The following SLC19A1 variants were observed in gnomAD, a reference collection of about 807,000 sequenced individuals.
The protein encoded by SLC19A1 is reduced folate transporter.
A neutral mutation model predicts 35.3 loss-of-function variants in SLC19A1; 37 were observed. The observed-to-expected ratio is 1.05, with a 90% confidence interval of 0.81 to 1.38. SLC19A1 has a LOEUF of 1.38. Ranked by LOEUF, SLC19A1 falls within the 40% of genes most tolerant of loss-of-function variation. The pLI is 0.00. For synonymous variants in SLC19A1, 460 were observed against 398.5 expected (o/e 1.15, Z -1.84); for missense variants, 831 against 826.9 (o/e 1.00, Z -0.06).
Position 45,532,325 on chromosome 21 carries a change from G to T in SLC19A1, c.190-177C>A, listed in dbSNP as rs115061424. On this transcript the variant is annotated intron_variant, in intron 2 of 5. Transcript: ENST00000311124. Reference sequence around the variant, plus strand: ...CACTGCATCGTCCTCTCTGAACAGGGACCTCTGGCTCCCGACCGTCCCGGC... The same window carrying T: ...CACTGCATCGTCCTCTCTGAACAGGTACCTCTGGCTCCCGACCGTCCCGGC... Among the ~76,000 whole-genome samples, 607 of 152,306 alleles carry T rather than the reference G, an allele frequency of 4.0e-3. 3 individuals are homozygous for T. The highest frequency in any genetic ancestry group is 0.014 in the African/African-American group (579 of 41,554).
In SLC19A1 at chr21:45,515,685, G is replaced by C; in HGVS notation, c.1749C>G (p.Ser583Arg). 5 of 1,613,714 alleles carry C rather than the reference G, an allele frequency of 3.1e-6. No individual in the cohort carries two copies. The highest frequency in any genetic ancestry group is 4.2e-6 in the Non-Finnish European group (5 of 1,180,014). ...VSKLGLQCLP[S>R]DGVQNVNQ ...ACTGGTTCACATTCTGAACACCGTCGCTTGGAAGACACTGCAAACCCAGCT... is the reference window on the plus strand; with the variant it reads ...ACTGGTTCACATTCTGAACACCGTCCCTTGGAAGACACTGCAAACCCAGCT... The change falls in exon 6 of 6, where the codon AGC becomes AGG. Residue 583 changes from serine (S) to arginine (R), a missense_variant. Physicochemically the swap from Ser to Arg is moderately radical, Grantham distance 110. Coordinates refer to ENST00000311124, the MANE Select transcript of SLC19A1 (RefSeq NM_194255.4).
At chr21:45,553,102 G>A (rs999580767) in intron 1 of SLC19A1, among the ~76,000 whole-genome samples, 5 of 152,196 alleles carry the variant, frequency 3.3e-5, no homozygotes, top group African/African-American at 4.8e-5. Flanking sequence ...GGGCAGGACC[G>A]GAGCGGGGGC....
chr21:45,558,543 C>T (rs2078585747), intron 1 of SLC19A1, among the ~76,000 whole-genome samples: 2 of 152,176 alleles, frequency 1.3e-5, no homozygotes, highest in African/African-American at 4.8e-5. Flanking sequence ...GTTTCTTCTT[C>T]GTATGTGGCC....
upstream of SLC19A1, among the ~76,000 whole-genome samples, chr21:45,543,405 C>T (rs909568125): frequency 6.6e-6 from 1 of 152,226 alleles, no homozygotes; most frequent in Admixed American, 6.5e-5. Flanking sequence ...CAGAAGGGGA[C>T]GGCCACCGTG....
In SLC19A1 at chr21:45,515,845, G is replaced by A. The variant is rs1281227104; in HGVS notation, c.1589C>T (p.Ala530Val). Residue 530 changes from alanine to valine, a missense_variant, in exon 6 of 6, where the codon GCC (alanine) becomes GTC (valine). Transcript: ENST00000311124. ...GCTCAGGAATTCAGCTGCCTGCGGG[G>A]CCGGGGCCTGGGCCAGGTATGGGTC... is the stretch of plus-strand genomic sequence containing the variant. ...QSDPYLAQAP[A>V]PQAAEFLSPV... 6.2e-6 allele frequency: 10 copies of A among 1,600,582 alleles called. No individual in the cohort carries two copies. The highest frequency in any genetic ancestry group is 1.7e-4 in the Middle Eastern group (1 of 6,014).
In SLC19A1 at chr21:45,515,140, G is replaced by A; in HGVS notation, c.*518C>T. ...TTCCACAGAGACAGAGAAGCCACAT[G>A]CAGTTCTTCATTCTACGTCAGTTAA... is the stretch of plus-strand genomic sequence containing the variant. On this transcript the variant is annotated 3_prime_UTR_variant, in exon 6 of 6. Transcript: ENST00000311124. The A allele has an allele frequency of 1.3e-6, 2 of 1,534,948 alleles. No homozygotes were observed. The highest frequency in any genetic ancestry group is 8.8e-7 in the Non-Finnish European group (1 of 1,142,758).
chr21:45,505,305 G>A lies in SLC19A1; in HGVS notation c.498-6693C>T, dbSNP rs559744656. The A allele has an allele frequency of 1.3e-5, 21 of 1,603,246 alleles. No homozygotes were observed. In the African/African-American group the frequency reaches 2.5e-4, roughly 19 times the overall value. Reference sequence around the variant, plus strand: ...TAAGTCAGTGGGGAGTGGGCCCCGGGCAGAGGCCGCCTCGTGTGGCTTCGT... The same window carrying A: ...TAAGTCAGTGGGGAGTGGGCCCCGGACAGAGGCCGCCTCGTGTGGCTTCGT... On this transcript the variant is annotated intron_variant, in intron 3 of 4. Coordinates refer to the SLC19A1 transcript ENST00000417954.
chr21:45,541,344 C>T (rs1032471539), intron 1 of SLC19A1, among the ~76,000 whole-genome samples: 17 of 152,248 alleles, frequency 1.1e-4, no homozygotes, highest in African/African-American at 4.1e-4. Context: ...GCCAGAGGCA[C>T]CTCGGCTCTG....
At chr21:45,516,444 G>C (rs1036808551) in intron 5 of SLC19A1, among the ~76,000 whole-genome samples, 2 of 152,226 alleles carry the variant, frequency 1.3e-5, no homozygotes, top group Admixed American at 1.3e-4. Context: ...CCCCTGCTTG[G>C]TGGTGCTTGC....
At chr21:45,508,311 A>G (rs948152978), downstream of SLC19A1, among the ~76,000 whole-genome samples, 2 of 147,870 alleles carry the variant, frequency 1.4e-5, no homozygotes, top group Non-Finnish European at 3.0e-5. Context: ...TGGTTGCTGG[A>G]CAGGTGGGTG....
intron 1 of SLC19A1, among the ~76,000 whole-genome samples, chr21:45,554,866 C>T (rs947143794): frequency 2.0e-5 from 3 of 151,818 alleles, no homozygotes; most frequent in Non-Finnish European, 4.4e-5. Flanking sequence ...TCATTGAGTC[C>T]CAGCAGCGGG....
chr21:45,510,507 CCT>C (rs1333174400), downstream of SLC19A1, among the ~76,000 whole-genome samples: 8 of 152,154 alleles, frequency 5.3e-5, no homozygotes, highest in East Asian at 1.9e-4. Flanking sequence ...CCCGTGGCCC[CCT>C]GACCCCCCGC....
At chr21:45,543,514 C>A (rs778251069), upstream of SLC19A1, among the ~76,000 whole-genome samples, 2 of 152,222 alleles carry the variant, frequency 1.3e-5, no homozygotes, top group Non-Finnish European at 2.9e-5. Context: ...GCACAATCCG[C>A]GACCTGCCTC....
chr21:45,503,843 A>G, intron 3 of SLC19A1: 1 of 466,196 alleles, frequency 2.1e-6, no homozygotes, highest in African/African-American at 2.0e-5. Context: ...ATTAACAAAA[A>G]CATCAGAAAG....
At chr21:45,504,335 G>A (rs2037051425) in intron 3 of SLC19A1, 2 of 1,449,868 alleles carry the variant, frequency 1.4e-6, no homozygotes, top group Non-Finnish European at 1.9e-6. Flanking sequence ...TGACTGCCCA[G>A]CCCTGGCTCG....
In SLC19A1 at chr21:45,513,928, A is replaced by G. The variant is rs1470867526; in HGVS notation, c.*1730T>C. On this transcript the variant is annotated 3_prime_UTR_variant, in exon 6 of 6. Coordinates refer to ENST00000311124, the MANE Select transcript of SLC19A1 (RefSeq NM_194255.4). ...AGGAGCATCCATAGTGTGCACAGGTACACAGGCATGCACGGGTGTGTGGAC... is the reference window on the plus strand; with the variant it reads ...AGGAGCATCCATAGTGTGCACAGGTGCACAGGCATGCACGGGTGTGTGGAC... 1 of 152,314 alleles carries G rather than the reference A, an allele frequency of 6.6e-6. No homozygotes were observed. Among genetic ancestry groups the G allele is most frequent in the Admixed American group, 6.5e-5 (1 of 15,292 alleles). The allele number at this position is 152,314 out of a possible 1,614,324, so 9.4% of individuals were successfully genotyped here. A position where few individuals can be genotyped will look rare whatever the true frequency, so the allele number is the denominator to read the frequency against.
chr21:45,538,032 G>C, intron 1 of SLC19A1, 24 bp from the exon 2 acceptor site: 1 of 1,323,798 alleles, frequency 7.6e-7, no homozygotes, highest in Non-Finnish European at 1.0e-6. Context: ...TGGAGTCAGG[G>C]CACCTTGGAA....
downstream of SLC19A1, chr21:45,512,458 G>A: frequency 6.5e-7 from 1 of 1,546,480 alleles, no homozygotes; most frequent in Non-Finnish European, 8.8e-7. Flanking sequence ...CCCCCACCGT[G>A]GGCAGGGAGC....
upstream of SLC19A1, chr21:45,542,569 C>T: frequency 6.6e-6 from 1 of 150,834 alleles, no homozygotes; most frequent in South Asian, 2.1e-4. Flanking sequence ...GGGCACCCTC[C>T]CACCCACGGC....
Sources: allele counts gnomAD v4.1 joint callset (sites outside exome capture counted in the v4.1 genomes callset), GRCh38; gene constraint gnomAD v4.1.1; transcripts MANE v1.5; gene names NCBI Gene and HGNC (gene_info 2026-07-23, HGNC 2026-07-21).